Variants in UBE2E2 observed in about 807,000 individuals in gnomAD.
UBE2E2 encodes ubiquitin-conjugating enzyme E2 E2.
In UBE2E2, 6 loss-of-function variants were observed where a neutral mutation model predicts 24.7. That is an observed-to-expected ratio of 0.24 (90% CI 0.13 to 0.48). The LOEUF (loss-of-function observed/expected upper bound fraction) is 0.48, where lower values mean the gene tolerates loss of function less well. Ranked by LOEUF, UBE2E2 falls within the 20% of genes least tolerant of loss-of-function variation. UBE2E2 has a pLI of 0.99. For synonymous variants in UBE2E2, 104 were observed against 83.6 expected (o/e 1.24, Z -1.33); for missense variants, 169 against 245.0 (o/e 0.69, Z 2.07).
At chr3:23,252,331 T>C (rs1459753447) in intron 3 of UBE2E2, among the ~76,000 whole-genome samples, 1 of 152,188 alleles carries the variant, frequency 6.6e-6, no homozygotes, top group African/African-American at 2.4e-5. Flanking sequence ...TGCATAGTTT[T>C]AGGATGCTGT....
At chr3:23,269,123 T>C (rs370492691) in intron 3 of UBE2E2, among the ~76,000 whole-genome samples, 57,871 of 151,054 alleles carry the variant, frequency 0.38, 11,767 homozygotes, top group African/African-American at 0.52. Context: ...TAGGCATTAC[T>C]GTTCAGGACA....
At chr3:23,391,904 T>G (rs1013172670) in intron 3 of UBE2E2, among the ~76,000 whole-genome samples, 1 of 152,168 alleles carries the variant, frequency 6.6e-6, no homozygotes, top group African/African-American at 2.4e-5. Context: ...TCCACCATTG[T>G]TCTATTATGT....
intron 4 of UBE2E2, among the ~76,000 whole-genome samples, chr3:23,515,756 C>A (rs1694720693): frequency 6.7e-6 from 1 of 148,912 alleles, no homozygotes; most frequent in Non-Finnish European, 1.5e-5. Context: ...CAGAAGTTCA[C>A]GACAAGCCTG....
At chr3:23,511,875 C>G (rs1201426910) in intron 4 of UBE2E2, among the ~76,000 whole-genome samples, 2 of 152,124 alleles carry the variant, frequency 1.3e-5, no homozygotes, top group Non-Finnish European at 2.9e-5. Context: ...CTCACAAGTG[C>G]CTAAATCAGG....
chr3:23,488,124 TTGAG>T (rs1042993909), intron 3 of UBE2E2, among the ~76,000 whole-genome samples: 25 of 152,188 alleles, frequency 1.6e-4, no homozygotes, highest in Admixed American at 1.4e-3. Flanking sequence ...GAGAAGTATA[TTGAG>T]TGTCTTGTAG....
intron 3 of UBE2E2, among the ~76,000 whole-genome samples, chr3:23,308,397 A>C (rs967114055): frequency 6.6e-6 from 1 of 152,212 alleles, no homozygotes. Context: ...ATTGCGAAGA[A>C]TCCATTACAT....
chr3:23,242,012 C>G (rs569320157), intron 3 of UBE2E2, among the ~76,000 whole-genome samples: 2 of 152,304 alleles, frequency 1.3e-5, no homozygotes, highest in South Asian at 4.1e-4. Flanking sequence ...TGTGCTCAAG[C>G]TATCCTGCTG....
At chr3:23,262,008 A>C (rs185854987) in intron 3 of UBE2E2, among the ~76,000 whole-genome samples, 2 of 152,266 alleles carry the variant, frequency 1.3e-5, no homozygotes, top group Admixed American at 1.3e-4. Flanking sequence ...GCATTGCTAA[A>C]ACAATGTTCT....
chr3:23,464,290 T>C (rs75176225), intron 3 of UBE2E2, among the ~76,000 whole-genome samples: 4,396 of 152,232 alleles, frequency 0.029, 110 homozygotes, highest in East Asian at 0.13. Flanking sequence ...AACTTACCTT[T>C]ATAGGAAATA....
intron 3 of UBE2E2, among the ~76,000 whole-genome samples, chr3:23,442,568 C>T (rs1698331940): frequency 6.6e-6 from 1 of 152,156 alleles, no homozygotes; most frequent in Admixed American, 6.5e-5. Context: ...ATTAAAATGC[C>T]TTACATAAGG....
chr3:23,372,168 CTT>C (rs1302446529), intron 3 of UBE2E2, among the ~76,000 whole-genome samples: 1 of 152,064 alleles, frequency 6.6e-6, no homozygotes, highest in Admixed American at 6.6e-5. Context: ...ATAAATAAAA[CTT>C]AATGTTTATA....
rs180929814 is a variant in UBE2E2 at position 23,417,894 on chromosome 3, G to A, written c.228-81714G>A. Reference sequence around the variant, plus strand: ...CACCTACTAAAGCCTCAATAATGGCGGGTGTCCCTCCCGTGCCCAAGGTCC... The same window carrying A: ...CACCTACTAAAGCCTCAATAATGGCAGGTGTCCCTCCCGTGCCCAAGGTCC... On this transcript the variant is annotated intron_variant, in intron 3 of 5. Coordinates refer to ENST00000396703, the MANE Select transcript of UBE2E2 (RefSeq NM_152653.4). 3.1e-3 allele frequency among the ~76,000 whole-genome samples: 478 copies of A among 152,298 alleles called. 3 individuals are homozygous for A. Among genetic ancestry groups the A allele is most frequent in the African/African-American group, 0.011 (458 of 41,570 alleles).
chr3:23,223,682 G>A (rs1696731667), intron 3 of UBE2E2, among the ~76,000 whole-genome samples: 1 of 152,094 alleles, frequency 6.6e-6, no homozygotes, highest in Admixed American at 6.5e-5. Flanking sequence ...TTAGGTTGAT[G>A]TAATCCCAGT....
chr3:23,302,577 A>G (rs1699128818), intron 3 of UBE2E2, among the ~76,000 whole-genome samples: 1 of 152,190 alleles, frequency 6.6e-6, no homozygotes, highest in Non-Finnish European at 1.5e-5. Flanking sequence ...TTATCATCTA[A>G]AATCCTAGAT....
chr3:23,451,518 C>T (rs988088571), intron 3 of UBE2E2, among the ~76,000 whole-genome samples: 3 of 152,084 alleles, frequency 2.0e-5, no homozygotes, highest in Non-Finnish European at 4.4e-5. Context: ...CTTCAGTGAG[C>T]GCTTCTGACG....
chr3:23,262,453 TG>T (rs1314903132), intron 3 of UBE2E2, among the ~76,000 whole-genome samples: 1 of 152,024 alleles, frequency 6.6e-6, no homozygotes, highest in Non-Finnish European at 1.5e-5. Flanking sequence ...AATTAAAAAA[TG>T]TTTTTTTGTG....
chr3:23,291,341 T>A (rs1166516975), intron 3 of UBE2E2, among the ~76,000 whole-genome samples: 4 of 152,152 alleles, frequency 2.6e-5, no homozygotes, highest in Non-Finnish European at 5.9e-5. Flanking sequence ...GAAAAAACAT[T>A]TAAAACTATT....
At chr3:23,318,151 GT>G (rs1475887383) in intron 3 of UBE2E2, among the ~76,000 whole-genome samples, 3 of 151,756 alleles carry the variant, frequency 2.0e-5, no homozygotes, top group South Asian at 2.1e-4. Context: ...TTATGACAGG[GT>G]TTTAAAAAAA....
chr3:23,258,348 T>C (rs989538366), intron 3 of UBE2E2, among the ~76,000 whole-genome samples: 3 of 152,182 alleles, frequency 2.0e-5, no homozygotes, highest in Non-Finnish European at 4.4e-5. Context: ...GAAATAGTTT[T>C]GATGGAAGTC....
Sources: gnomAD v4.1 joint callset for allele counts (sites outside exome capture counted in the v4.1 genomes callset) on GRCh38, gnomAD v4.1.1 for gene constraint, MANE v1.5 for transcripts, NCBI Gene and HGNC (gene_info 2026-07-23, HGNC 2026-07-21) for gene names.